SPICE1: variants seen among roughly 807,000 people sequenced by gnomAD.
SPICE1 encodes spindle and centriole associated protein 1.
In SPICE1, 75 loss-of-function variants were observed where a neutral mutation model predicts 102.7. That is an observed-to-expected ratio of 0.73 (90% CI 0.61 to 0.88). The LOEUF (loss-of-function observed/expected upper bound fraction) is 0.88, where lower values mean the gene tolerates loss of function less well. SPICE1 is among the 40% of genes least tolerant of loss of function. The pLI, the probability that SPICE1 is intolerant of heterozygous loss-of-function variation, is 0.00. For synonymous variants in SPICE1, 308 were observed against 350.3 expected (o/e 0.88, Z 1.35); for missense variants, 979 against 1,020.1 (o/e 0.96, Z 0.55).
Position 113,465,724 on chromosome 3 carries a change from C to T in SPICE1, c.1216G>A (p.Asp406Asn), listed in dbSNP as rs1936040000. The change falls in exon 11 of 18, where the codon GAT becomes AAT. Residue 406 changes from aspartate (D) to asparagine (N), a missense_variant. By Grantham distance (23) the Asp-to-Asn change is conservative. Transcript: ENST00000295872. Reference sequence around the variant, plus strand: ...AGAGCATCAATGAGCTCTCGATGATCACCTAATACTTGTTCCAGTTGTTGC... The same window carrying T: ...AGAGCATCAATGAGCTCTCGATGATTACCTAATACTTGTTCCAGTTGTTGC... The part of the protein sequence containing the change: ...TRQQLEQVLG[D>N]HRELIDALTA... The T allele has an allele frequency of 6.2e-7, 1 of 1,613,860 alleles. No homozygotes were observed. The highest frequency in any genetic ancestry group is 8.5e-7 in the Non-Finnish European group (1 of 1,179,842).
chr3:113,500,357 A>G (rs903843862), intron 3 of SPICE1, among the ~76,000 whole-genome samples: 4 of 152,234 alleles, frequency 2.6e-5, no homozygotes, highest in Non-Finnish European at 5.9e-5. Context: ...CATTAAAGAG[A>G]CAATAACAAG....
At chr3:113,482,189 T>C (rs1936526866) in intron 7 of SPICE1, among the ~76,000 whole-genome samples, 1 of 152,242 alleles carries the variant, frequency 6.6e-6, no homozygotes, top group Non-Finnish European at 1.5e-5. Flanking sequence ...TTTCGTATGT[T>C]TTTTGGCTGC....
At chr3:113,458,780 T>C (rs1935849110) in intron 12 of SPICE1, among the ~76,000 whole-genome samples, 1 of 149,986 alleles carries the variant, frequency 6.7e-6, no homozygotes, top group Non-Finnish European at 1.5e-5. Context: ...CATCTCTGCC[T>C]GGCCGCCCAT....
At chr3:113,501,303 T>C (rs910331197) in intron 3 of SPICE1, among the ~76,000 whole-genome samples, 5 of 152,124 alleles carry the variant, frequency 3.3e-5, no homozygotes, top group African/African-American at 9.7e-5. Flanking sequence ...ACTACAACTA[T>C]AAAACTCTTA....
chr3:113,453,931 T>C lies in SPICE1; in HGVS notation c.1677A>G (p.Gln559=). The change falls in exon 14 of 18, where the codon CAA becomes CAG. Residue 559 remains glutamine, a synonymous_variant. Transcript: ENST00000295872. ...GAGGAAGTCGTGGAGCAGGACGAGT[T>C]TGAACAGTCCTTCTCAATACTATAG... ...PLQDVLRRTV[Q]TRPAPRLPPT... 6.2e-7 allele frequency: 1 copy of C among 1,613,284 alleles called. No individual in the cohort carries two copies. The highest frequency in any genetic ancestry group is 8.5e-7 in the Non-Finnish European group (1 of 1,179,494).
intron 4 of SPICE1, among the ~76,000 whole-genome samples, chr3:113,496,734 C>G (rs1936899290): frequency 6.6e-6 from 1 of 152,060 alleles, no homozygotes; most frequent in Admixed American, 6.5e-5. Context: ...AATGATGAAG[C>G]TTATGTGAAT....
chr3:113,458,884 C>G (rs1464435354), intron 12 of SPICE1, among the ~76,000 whole-genome samples: 3 of 150,754 alleles, frequency 2.0e-5, no homozygotes, highest in African/African-American at 7.3e-5. Flanking sequence ...AGTGAGGAGC[C>G]CCTCTGCCCG....
chr3:113,466,923 C>A (rs62265996), intron 10 of SPICE1, among the ~76,000 whole-genome samples: 27,140 of 151,624 alleles, frequency 0.18, 3,159 homozygotes, highest in East Asian at 0.42. Flanking sequence ...GTGGCATGCA[C>A]CTGTGGTCCC....
At chr3:113,468,066 C>A in intron 10 of SPICE1, 73 bp downstream of exon 10, 1 of 1,537,480 alleles carries the variant, frequency 6.5e-7, no homozygotes, top group East Asian at 2.3e-5. Flanking sequence ...TTGGAGGTTG[C>A]AATAAATGGA....
Position 113,453,509 on chromosome 3 carries a change from A to G in SPICE1, c.2099T>C (p.Leu700Pro). 6.2e-7 allele frequency: 1 copy of G among 1,613,278 alleles called. No homozygotes were observed. The highest frequency in any genetic ancestry group is 8.5e-7 in the Non-Finnish European group (1 of 1,179,338). ...ACTTTCTTGTTTGTTCAACTCCCGGAGTCCATCCCCTTGCTCTCCTCTGGG... is the reference window on the plus strand; with the variant it reads ...ACTTTCTTGTTTGTTCAACTCCCGGGGTCCATCCCCTTGCTCTCCTCTGGG... ...IEPRGEQGDG[L>P]RELNKQESAS... Residue 700 changes from leucine to proline, a missense_variant, in exon 14 of 18, where the codon CTC (leucine) becomes CCC (proline). Leu to Pro is a moderately conservative substitution (Grantham distance 98). Coordinates refer to ENST00000295872, the MANE Select transcript of SPICE1 (RefSeq NM_144718.4).
intron 4 of SPICE1, among the ~76,000 whole-genome samples, chr3:113,498,551 T>C (rs1936945491): frequency 6.6e-6 from 1 of 152,240 alleles, no homozygotes; most frequent in Non-Finnish European, 1.5e-5. Flanking sequence ...TAAAGAAGCA[T>C]TCTCTCAATC....
intron 7 of SPICE1, among the ~76,000 whole-genome samples, chr3:113,477,892 T>C (rs1936398025): frequency 6.6e-6 from 1 of 151,274 alleles, no homozygotes; most frequent in Non-Finnish European, 1.5e-5. Flanking sequence ...CATATGTAAC[T>C]AACCTGCACA....
chr3:113,500,271 T>C (rs1936983993), intron 3 of SPICE1, among the ~76,000 whole-genome samples: 1 of 152,224 alleles, frequency 6.6e-6, no homozygotes, highest in Non-Finnish European at 1.5e-5. Context: ...AGTACTCTAG[T>C]ATTCAGAACT....
At chr3:113,469,000 G>A in intron 8 of SPICE1, 99 bp downstream of exon 8, 7 of 1,559,212 alleles carry the variant, frequency 4.5e-6, no homozygotes, top group Non-Finnish European at 5.2e-6. Context: ...ATTAGGCAAA[G>A]GCAGTCAAAA....
At position 113,455,945 on chromosome 3, in the gene SPICE1, G is replaced by A. The variant is rs184224778; in HGVS notation, c.1657+1191C>T. Among the ~76,000 whole-genome samples, 313 of 152,272 alleles carry A rather than the reference G, an allele frequency of 2.1e-3. 15 individuals are homozygous for A. The highest frequency in any genetic ancestry group is 0.02 in the Admixed American group (310 of 15,304). On this transcript the variant is annotated intron_variant, in intron 13 of 17. Transcript: ENST00000295872. ...TACTGAATCATACAATGATAGAGCT[G>A]GAGGGAACATTAAAGATAAAGAAAT... is the stretch of plus-strand genomic sequence containing the variant.
chr3:113,484,836 T>G (rs1488140923), intron 7 of SPICE1, among the ~76,000 whole-genome samples: 1 of 152,154 alleles, frequency 6.6e-6, no homozygotes, highest in Non-Finnish European at 1.5e-5. Context: ...AGAATGTATA[T>G]TCTGTTGATT....
In SPICE1 at chr3:113,480,912, T is replaced by TAAAGAAAGAAAGAAAAAGAAAGAAAG. The variant is rs148325665; in HGVS notation, c.611+8032_611+8033insCTTTCTTTCTTTTTCTTTCTTTCTTT. Among the ~76,000 whole-genome samples, 14 of 106,504 alleles carry TAAAGAAAGAAAGAAAAAGAAAGAAAG rather than the reference T, an allele frequency of 1.3e-4. No homozygotes were observed. In the East Asian group the frequency reaches 4.7e-3, roughly 36 times the overall value. The allele number at this position is 106,504 out of a possible 152,430, so 69.9% of individuals were successfully genotyped here. A position where few individuals can be genotyped will look rare whatever the true frequency, so the allele number is the denominator to read the frequency against. Reference sequence around the variant, plus strand: ...AAAAATAACAATGATTTTAAAAATTTAAAGAAAGAAAGAAAGAAAAAAGAC... The same window carrying TAAAGAAAGAAAGAAAAAGAAAGAAAG: ...AAAAATAACAATGATTTTAAAAATTTAAAGAAAGAAAGAAAAAGAAAGAAAGAAAGAAAGAAAGAAAGAAAAAAGAC... On this transcript the variant is annotated intron_variant, in intron 7 of 17. Coordinates refer to ENST00000295872, the MANE Select transcript of SPICE1 (RefSeq NM_144718.4).
At position 113,513,288 on chromosome 3, in the gene SPICE1, A is replaced by G. The variant is rs1282697142; in HGVS notation, c.-1+1609T>C. 3.9e-5 allele frequency among the ~76,000 whole-genome samples: 6 copies of G among 152,144 alleles called. No individual in the cohort carries two copies. The East Asian group carries it at 1.2e-3, about 29-fold the overall frequency. ...TAGCCAGGAGTGGCAGTGAGTGCCT[A>G]TAGTTTCAGCTACTCAGGAGGCTGA... On this transcript the variant is annotated intron_variant, in intron 1 of 17. Coordinates refer to ENST00000295872, the MANE Select transcript of SPICE1 (RefSeq NM_144718.4).
chr3:113,491,444 C>A (rs1381205511), intron 6 of SPICE1, among the ~76,000 whole-genome samples: 3 of 151,122 alleles, frequency 2.0e-5, no homozygotes, highest in Non-Finnish European at 4.4e-5. Flanking sequence ...CATGGTGAAA[C>A]CCCGTCTCTA....
Sources: gnomAD v4.1 joint callset for allele counts (sites outside exome capture counted in the v4.1 genomes callset) on GRCh38, gnomAD v4.1.1 for gene constraint, MANE v1.5 for transcripts, NCBI Gene and HGNC (gene_info 2026-07-23, HGNC 2026-07-21) for gene names.